NCKAP5L: variants seen among roughly 807,000 people sequenced by gnomAD.
NCKAP5L encodes nck-associated protein 5-like.
In NCKAP5L, 54 loss-of-function variants were observed where a neutral mutation model predicts 103.2. That is an observed-to-expected ratio of 0.52 (90% CI 0.42 to 0.66). The LOEUF is 0.66. NCKAP5L is among the 30% of genes least tolerant of loss of function. The pLI, the probability that NCKAP5L is intolerant of heterozygous loss-of-function variation, is 0.00. For synonymous variants in NCKAP5L, 762 were observed against 748.6 expected (o/e 1.02, Z -0.29); for missense variants, 1,733 against 1,750.6 (o/e 0.99, Z 0.18).
intron 1 of NCKAP5L, among the ~76,000 whole-genome samples, chr12:49,825,128 C>T (rs757496514): frequency 3.3e-5 from 5 of 152,226 alleles, no homozygotes; most frequent in Non-Finnish European, 5.9e-5. Context: ...CCATTTTTAA[C>T]ATGAGGGCGT....
At chr12:49,827,656 G>T (rs1946433635) in intron 1 of NCKAP5L, among the ~76,000 whole-genome samples, 1 of 152,214 alleles carries the variant, frequency 6.6e-6, no homozygotes, top group Non-Finnish European at 1.5e-5. Flanking sequence ...CCCTGTCCCT[G>T]CTCCCTGCCC....
At chr12:49,818,168 C>G (rs1202242008) in intron 1 of NCKAP5L, among the ~76,000 whole-genome samples, 1 of 151,618 alleles carries the variant, frequency 6.6e-6, no homozygotes, top group African/African-American at 2.4e-5. Context: ...TAAACCTGAC[C>G]AGAAACTGTA....
At chr12:49,824,673 A>G (rs773034895) in intron 1 of NCKAP5L, among the ~76,000 whole-genome samples, 4 of 152,262 alleles carry the variant, frequency 2.6e-5, no homozygotes, top group Non-Finnish European at 5.9e-5. Flanking sequence ...GAGGCATTGC[A>G]TATGCAGGTC....
At position 49,796,728 on chromosome 12, in the gene NCKAP5L, T is replaced by C; in HGVS notation, c.1132A>G (p.Lys378Glu). The C allele has an allele frequency of 6.2e-7, 1 of 1,609,318 alleles. No individual in the cohort carries two copies. Among genetic ancestry groups the C allele is most frequent in the Non-Finnish European group, 8.5e-7 (1 of 1,177,904 alleles). The change falls in exon 8 of 13, where the codon AAG becomes GAG. Residue 378 changes from lysine to glutamate, a missense_variant. By Grantham distance (56) the Lys-to-Glu change is moderately conservative (BLOSUM62 1). Coordinates refer to ENST00000335999, the MANE Select transcript of NCKAP5L (RefSeq NM_001037806.4). Reference protein sequence around the residue: ...PQLSKSKGLPKSAWGGGTPEA... With the variant: ...PQLSKSKGLPESAWGGGTPEA... ...GGGGTACCCCCACCCCAAGCTGACT[T>C]GGGGAGGCCTTTGGACTTAGACAGC...
In NCKAP5L at chr12:49,792,478, G is replaced by C. The variant is rs761322534; in HGVS notation, c.3760C>G (p.Arg1254Gly). The change falls in exon 12 of 13, where the codon CGA becomes GGA. Residue 1254 changes from arginine (R) to glycine (G), a missense_variant. Transcript: ENST00000335999. This position sits in a 1 kb window ranked among gnomAD's most constrained non-coding sequence, Gnocchi z 4.5. The part of the protein sequence containing the change: ...SSSDPLMCPP[R>G]QLEGLPRTPM... ...GTCCTGGGCAGCCCCTCCAGTTGTC[G>C]GGGTGGGCACATGAGAGGGTCCGAG... 13 of 1,613,304 alleles carry C rather than the reference G, an allele frequency of 8.1e-6. No individual in the cohort carries two copies. The highest frequency in any genetic ancestry group is 1.1e-5 in the Non-Finnish European group (13 of 1,179,588).
rs368294938 is a variant in NCKAP5L at position 49,795,775 on chromosome 12, G to A, written c.2085C>T (p.Thr695=). ...GVPARPGTEK[T]RGPGKSGESA... is the part of the protein sequence containing the mutation. ...TCTCCCCTGACTTCCCAGGTCCCCG[G>A]GTCTTTTCGGTGCCAGGCCTGGCTG... is the stretch of plus-strand genomic sequence containing the variant. Residue 695 remains threonine (T), a synonymous_variant, in exon 8 of 13, where the codon ACC becomes ACT. Coordinates refer to ENST00000335999, the MANE Select transcript of NCKAP5L (RefSeq NM_001037806.4). The A allele has an allele frequency of 6.4e-5, 102 of 1,586,174 alleles. No homozygotes were observed. The highest frequency in any genetic ancestry group is 8.3e-5 in the Non-Finnish European group (97 of 1,166,592).
In NCKAP5L at chr12:49,796,211, G is replaced by T; in HGVS notation, c.1649C>A (p.Pro550Gln). The change falls in exon 8 of 13, where the codon CCA (proline) becomes CAA (glutamine). Residue 550 changes from proline (P) to glutamine (Q), a missense_variant. By Grantham distance (76) the Pro-to-Gln change is moderately conservative. Transcript: ENST00000335999. Reference sequence around the variant, plus strand: ...GTTCTCATAGCAGGGAGACACCACTGGGCCTGGGGACAGCGTGGTGGACAA... The same window carrying T: ...GTTCTCATAGCAGGGAGACACCACTTGGCCTGGGGACAGCGTGGTGGACAA... ...SALSTTLSPGPVVSPCYENIL... is the reference protein window; with the variant it reads ...SALSTTLSPGQVVSPCYENIL... 1 of 1,593,910 alleles carries T rather than the reference G, an allele frequency of 6.3e-7. No homozygotes were observed. Among genetic ancestry groups the T allele is most frequent in the Non-Finnish European group, 8.5e-7 (1 of 1,170,760 alleles).
intron 1 of NCKAP5L, among the ~76,000 whole-genome samples, chr12:49,811,209 G>A (rs191043690): frequency 1.7e-3 from 261 of 152,216 alleles, no homozygotes; most frequent in African/African-American, 5.8e-3. Context: ...TTGTGCTTAC[G>A]CGCTCTCTCA....
chr12:49,804,301 G>A, intron 2 of NCKAP5L: 1 of 311,734 alleles, frequency 3.2e-6, no homozygotes, highest in Non-Finnish European at 5.9e-6. Flanking sequence ...ACTCACACAA[G>A]AAACCTGATT....
In NCKAP5L at chr12:49,796,448, G is replaced by T; in HGVS notation, c.1412C>A (p.Pro471Gln). Residue 471 changes from proline to glutamine, a missense_variant, in exon 8 of 13, where the codon CCA (proline) becomes CAA (glutamine). Pro to Gln is a moderately conservative substitution (Grantham distance 76, BLOSUM62 -1). Transcript: ENST00000335999. ...LPPTSEKSPS[P>Q]GGPQLSPQLP... ...CTGGGGACTGAGCTGCGGGCCTCCT[G>T]GGCTGGGGCTCTTCTCCGAGGTTGG... 1 of 1,538,804 alleles carries T rather than the reference G, an allele frequency of 6.5e-7. No homozygotes were observed.
chr12:49,798,470 A>C lies in NCKAP5L; in HGVS notation c.352-7T>G, dbSNP rs1946084060. 14 of 1,563,448 alleles carry C rather than the reference A, an allele frequency of 9.0e-6. No homozygotes were observed. The highest frequency in any genetic ancestry group is 1.2e-5 in the Non-Finnish European group (14 of 1,152,726). Reference sequence around the variant, plus strand: ...GGAGTGGAGTGAGTGGGATCTGCAGAGGGAGAGGCAGAGTTAGCACAGTAG... The same window carrying C: ...GGAGTGGAGTGAGTGGGATCTGCAGCGGGAGAGGCAGAGTTAGCACAGTAG... On this transcript the variant is annotated splice_region_variant and splice_polypyrimidine_tract_variant and intron_variant, in intron 6 of 12. Transcript: ENST00000335999.
At chr12:49,810,638 T>C (rs904016317) in intron 1 of NCKAP5L, among the ~76,000 whole-genome samples, 4 of 152,200 alleles carry the variant, frequency 2.6e-5, no homozygotes, top group Non-Finnish European at 4.4e-5. Flanking sequence ...TGCTGTGTGA[T>C]ACCGCAAAAG....
intron 10 of NCKAP5L, 80 bp downstream of exon 10, chr12:49,793,272 G>C: frequency 7.1e-7 from 1 of 1,401,302 alleles, no homozygotes; most frequent in East Asian, 2.3e-5. Context: ...CACCTGCTGC[G>C]GGGACGGGAA....
chr12:49,816,673 C>T (rs1946301408), intron 1 of NCKAP5L, among the ~76,000 whole-genome samples: 4 of 151,788 alleles, frequency 2.6e-5, no homozygotes, highest in Admixed American at 2.6e-4. Context: ...TGGCACGCGC[C>T]TGTGATCCAG....
rs1945949317 is a variant in NCKAP5L, at chr12:49,792,335, A to G, written c.3792+111T>C. On this transcript the variant is annotated intron_variant, in intron 12 of 12. Transcript: ENST00000335999. This position sits in a 1 kb window ranked among gnomAD's most constrained non-coding sequence, Gnocchi z 4.5. ...CAGGGGTCCTCCTCCCAGAGGGTGC[A>G]GCACTGAGACTGTGCGACACACAGG... 1 of 1,545,560 alleles carries G rather than the reference A, an allele frequency of 6.5e-7. No individual in the cohort carries two copies. Among genetic ancestry groups the G allele is most frequent in the Non-Finnish European group, 8.7e-7 (1 of 1,144,950 alleles).
At chr12:49,824,870 G>C (rs553136271) in intron 1 of NCKAP5L, among the ~76,000 whole-genome samples, 2 of 152,162 alleles carry the variant, frequency 1.3e-5, no homozygotes, top group Non-Finnish European at 2.9e-5. Context: ...GCTTTTCCTC[G>C]GTATGTTACA....
chr12:49,818,518 C>T (rs1946325291), intron 1 of NCKAP5L, among the ~76,000 whole-genome samples: 2 of 152,104 alleles, frequency 1.3e-5, no homozygotes, highest in South Asian at 2.1e-4. Flanking sequence ...TCACCACGCC[C>T]AACTAATTTT....
intron 8 of NCKAP5L, among the ~76,000 whole-genome samples, 153 bp downstream of exon 8, chr12:49,794,612 C>CCCG (rs1555147581): frequency 2.0e-5 from 3 of 150,392 alleles, no homozygotes; most frequent in Admixed American, 6.6e-5. Context: ...CTGACCCCCC[C>CCCG]ACCAGCTGCT....
chr12:49,796,957 A>AGAGGAG lies in NCKAP5L; in HGVS notation c.897_902dup (p.Ser301_Ser302dup). On this transcript the variant is annotated inframe_insertion, in exon 8 of 13. Coordinates refer to ENST00000335999, the MANE Select transcript of NCKAP5L (RefSeq NM_001037806.4). ...CATTGGGGTCACCTGCCTCATCAGA[A>AGAGGAG]GAGGAGGAGGAGCTGCTGCCTGGGG... 1 of 1,604,392 alleles carries AGAGGAG rather than the reference A, an allele frequency of 6.2e-7. No homozygotes were observed. Among genetic ancestry groups the AGAGGAG allele is most frequent in the East Asian group, 2.2e-5 (1 of 44,608 alleles).
Sources: allele counts gnomAD v4.1 joint callset (sites outside exome capture counted in the v4.1 genomes callset), GRCh38; gene constraint gnomAD v4.1.1; non-coding constraint Gnocchi (gnomAD v3.1); transcripts MANE v1.5; gene names NCBI Gene and HGNC (gene_info 2026-07-23, HGNC 2026-07-21).